AK4: variants seen among roughly 807,000 people sequenced by gnomAD.
The protein encoded by AK4 is adenylate kinase 4, mitochondrial.
In AK4, 13 loss-of-function variants were observed where a neutral mutation model predicts 24.6. The ratio of observed to expected loss-of-function variants is 0.53; its 90% CI spans 0.34 to 0.84. The LOEUF (loss-of-function observed/expected upper bound fraction) is 0.84. AK4 is among the 40% of genes least tolerant of loss of function. The pLI, the probability that AK4 is intolerant of heterozygous loss-of-function variation, is 0.01. For synonymous variants in AK4, 88 were observed against 107.0 expected (o/e 0.82, Z 1.10); for missense variants, 192 against 288.2 (o/e 0.67, Z 2.42).
At chr1:65,164,417 C>T (rs1650263786) in intron 1 of AK4, among the ~76,000 whole-genome samples, 3 of 152,038 alleles carry the variant, frequency 2.0e-5, no homozygotes, top group African/African-American at 7.3e-5. Context: ...TTAACCACCC[C>T]TCCCTCCCTA....
chr1:65,147,732 CCGGGGAGCGCATCCGCCAACCCCGGG>C (rs1487921724), upstream of AK4: 1 of 151,804 alleles, frequency 6.6e-6, no homozygotes. Flanking sequence ...CGCCCCATGG[CCGGGGAGCGCATCCGCCAACCCCGGG>C]CGGAGGTGGG....
intron 2 of AK4, among the ~76,000 whole-genome samples, chr1:65,194,047 C>T (rs902924217): frequency 6.6e-5 from 10 of 152,178 alleles, no homozygotes; most frequent in Admixed American, 1.3e-4. Flanking sequence ...GGCATGATCA[C>T]ACCATTGCAC....
chr1:65,196,462 C>A (rs928889003), intron 2 of AK4, among the ~76,000 whole-genome samples: 6 of 151,982 alleles, frequency 3.9e-5, no homozygotes, highest in African/African-American at 1.2e-4. Context: ...AAGAAATATT[C>A]TTGTTTTGTT....
intron 1 of AK4, among the ~76,000 whole-genome samples, chr1:65,174,940 A>C (rs556328813): frequency 5.9e-5 from 9 of 152,264 alleles, no homozygotes; most frequent in African/African-American, 2.2e-4. Context: ...TTTCTTTTTA[A>C]AATTTTTATG....
chr1:65,216,343 C>T (rs1400279707), intron 2 of AK4, among the ~76,000 whole-genome samples: 1 of 152,016 alleles, frequency 6.6e-6, no homozygotes, highest in Non-Finnish European at 1.5e-5. Context: ...AGGCTGGTCT[C>T]GAACTCCTAG....
At chr1:65,186,170 C>G (rs1472151879) in intron 1 of AK4, among the ~76,000 whole-genome samples, 2 of 152,140 alleles carry the variant, frequency 1.3e-5, no homozygotes, top group African/African-American at 2.4e-5. Context: ...GAGTCTCGCT[C>G]TGTCGCCCAG....
chr1:65,151,730 C>T (rs994433784), intron 1 of AK4, among the ~76,000 whole-genome samples: 3 of 152,148 alleles, frequency 2.0e-5, no homozygotes, highest in Non-Finnish European at 2.9e-5. Flanking sequence ...GCATAGAGAC[C>T]ATTTTGTTTA....
At chr1:65,165,051 C>G (rs956418576) in intron 1 of AK4, among the ~76,000 whole-genome samples, 2 of 152,166 alleles carry the variant, frequency 1.3e-5, no homozygotes, top group African/African-American at 2.4e-5. Context: ...GAAATGGTCT[C>G]TACCTTCAAC....
chr1:65,229,176 G>T lies in AK4; in HGVS notation c.*2999G>T, dbSNP rs1434186658. 1 of 152,068 alleles carries T rather than the reference G, an allele frequency of 6.6e-6. No individual in the cohort carries two copies. The highest frequency in any genetic ancestry group is 1.9e-4 in the East Asian group (1 of 5,180). 9.4% of individuals were successfully genotyped at this position (152,068 alleles called of 1,614,324 possible). A position where few individuals can be genotyped will look rare whatever the true frequency, so the allele number is the denominator to read the frequency against. ...ACTCAGAAGACTGAGCTTTTTCCTG[G>T]ATGTTATTAATAGCTAATTGTGTCC... On this transcript the variant is annotated 3_prime_UTR_variant, in exon 5 of 5. Transcript: ENST00000327299.
chr1:65,172,855 ATTT>A (rs11408059), intron 1 of AK4, among the ~76,000 whole-genome samples: 1 of 110,912 alleles, frequency 9.0e-6, no homozygotes, highest in African/African-American at 3.8e-5. Context: ...CCAGCAAGAG[ATTT>A]TTTTTTTTTT....
At chr1:65,150,852 G>C (rs1649748055) in intron 1 of AK4, among the ~76,000 whole-genome samples, 1 of 152,186 alleles carries the variant, frequency 6.6e-6, no homozygotes, top group Non-Finnish European at 1.5e-5. Context: ...TCCTCCTGCA[G>C]CCTGGTGAAA....
Position 65,152,360 on chromosome 1 carries a change from CTATATATA to C in AK4, c.145+3826_145+3833del, listed in dbSNP as rs1649812696. Among the ~76,000 whole-genome samples the C allele has an allele frequency of 1.7e-3, 47 of 27,948 alleles. 1 individual carries two copies. The highest frequency in any genetic ancestry group is 4.2e-3 in the East Asian group (4 of 950). 18.3% of individuals were successfully genotyped at this position (27,948 alleles called of 152,430 possible). On this transcript the variant is annotated intron_variant, in intron 1 of 4. Coordinates refer to ENST00000327299, the MANE Select transcript of AK4 (RefSeq NM_013410.4). ...TCTCTCTCTCTCTCTCTCTCTCTCT[CTATATATA>C]TATATATATATATATATTTTTTTTT...
rs1339178685 is a variant in AK4, at chr1:65,214,476, T to C, written c.266-4278T>C. 3.3e-5 allele frequency among the ~76,000 whole-genome samples: 5 copies of C among 152,292 alleles called. No homozygotes were observed. The East Asian group carries it at 7.7e-4, about 24-fold the overall frequency. On this transcript the variant is annotated intron_variant, in intron 2 of 4. Coordinates refer to ENST00000327299, the MANE Select transcript of AK4 (RefSeq NM_013410.4). ...ATGAAACTAAGGATCTGAGAGTATATGAAACTTGCCAAAGTTCTCACAGTT... is the reference window on the plus strand; with the variant it reads ...ATGAAACTAAGGATCTGAGAGTATACGAAACTTGCCAAAGTTCTCACAGTT...
chr1:65,229,136 G>A lies in AK4; in HGVS notation c.*2959G>A, dbSNP rs1062445. The A allele has an allele frequency of 0.34, 51,757 of 151,916 alleles. 9,596 individuals are homozygous for A. Among genetic ancestry groups the A allele is most frequent in the East Asian group, 0.67 (3,459 of 5,144 alleles). The allele number at this position is 151,916 out of a possible 1,614,324, so 9.4% of individuals were successfully genotyped here. A position where few individuals can be genotyped will look rare whatever the true frequency, so the allele number is the denominator to read the frequency against. On this transcript the variant is annotated 3_prime_UTR_variant, in exon 5 of 5. Coordinates refer to ENST00000327299, the MANE Select transcript of AK4 (RefSeq NM_013410.4). ...GGTGACCAGTGTAGCCAGGACTCCA[G>A]CCCAGGTTTTCCTGACTCAGAAGAC... is the stretch of plus-strand genomic sequence containing the variant.
chr1:65,210,249 C>G (rs1265788051), intron 2 of AK4, among the ~76,000 whole-genome samples: 2 of 152,090 alleles, frequency 1.3e-5, no homozygotes, highest in East Asian at 3.9e-4. Context: ...TTAGCCTATC[C>G]CCAGGGCCTC....
At chr1:65,178,446 A>T (rs1019233150) in intron 1 of AK4, among the ~76,000 whole-genome samples, 1 of 152,180 alleles carries the variant, frequency 6.6e-6, no homozygotes, top group African/African-American at 2.4e-5. Context: ...GCATAGCCAC[A>T]ATGTGTTTAC....
chr1:65,170,624 G>A (rs566229168), intron 1 of AK4, among the ~76,000 whole-genome samples: 1 of 152,176 alleles, frequency 6.6e-6, no homozygotes, highest in Non-Finnish European at 1.5e-5. Context: ...CTGAGCTCTA[G>A]CTGGAACTGC....
At chr1:65,213,328 G>A (rs1652028820) in intron 2 of AK4, among the ~76,000 whole-genome samples, 2 of 152,106 alleles carry the variant, frequency 1.3e-5, no homozygotes, top group South Asian at 2.1e-4. Context: ...GTGATGAAAG[G>A]GGCAAACTGA....
chr1:65,154,687 C>G (rs1649916635), intron 1 of AK4: 4 of 372,280 alleles, frequency 1.1e-5, no homozygotes. Flanking sequence ...AGGCATCTAC[C>G]CAATACAAAA....
Sources: allele counts gnomAD v4.1 joint callset (sites outside exome capture counted in the v4.1 genomes callset), GRCh38; gene constraint gnomAD v4.1.1; transcripts MANE v1.5; gene names NCBI Gene and HGNC (gene_info 2026-07-23, HGNC 2026-07-21).